MAP4: variants seen among roughly 807,000 people sequenced by gnomAD.
MAP4 encodes microtubule associated protein 4.
MAP4 carries 76 observed loss-of-function variants against 170.2 expected under a neutral mutation model. That is an observed-to-expected ratio of 0.45 (90% CI 0.37 to 0.54). The LOEUF is 0.54. MAP4 is among the 20% of genes least tolerant of loss of function. The probability of loss-of-function intolerance (pLI) is 0.00; values close to 1 mark genes in which losing one functional copy is unlikely to be tolerated. For synonymous variants in MAP4, 909 were observed against 994.5 expected (o/e 0.91, Z 1.62); for missense variants, 2,506 against 2,748.0 (o/e 0.91, Z 1.97).
intron 4 of MAP4, among the ~76,000 whole-genome samples, chr3:47,925,260 C>T (rs2100045162): frequency 1.3e-5 from 2 of 152,158 alleles, no homozygotes; most frequent in East Asian, 3.8e-4. Flanking sequence ...CATTGGACGC[C>T]ATCTTGGCAG....
chr3:47,931,777 G>A (rs2100049986), intron 3 of MAP4: 1 of 146,736 alleles, frequency 6.8e-6, no homozygotes, highest in Admixed American at 7.2e-5. Flanking sequence ...TTACAGGTTT[G>A]AGCCACTGTG....
At chr3:47,947,347 T>C (rs1173112564) in intron 3 of MAP4, among the ~76,000 whole-genome samples, 1 of 152,170 alleles carries the variant, frequency 6.6e-6, no homozygotes, top group Non-Finnish European at 1.5e-5. Context: ...CCCAATCTCC[T>C]ACCCCAAGGC....
intron 4 of MAP4, among the ~76,000 whole-genome samples, chr3:47,924,977 A>AT (rs1469319484): frequency 6.6e-6 from 1 of 151,858 alleles, no homozygotes; most frequent in Non-Finnish European, 1.5e-5. Flanking sequence ...CACCTGGCTA[A>AT]TTTTTTGTAT....
At chr3:48,003,476 T>C (rs971557495) in intron 1 of MAP4, among the ~76,000 whole-genome samples, 8 of 143,226 alleles carry the variant, frequency 5.6e-5, no homozygotes, top group Non-Finnish European at 1.1e-4. Flanking sequence ...AAAAAAAACA[T>C]ATTAAATTGT....
chr3:47,972,608 T>G (rs942827381), intron 3 of MAP4, among the ~76,000 whole-genome samples: 1 of 152,168 alleles, frequency 6.6e-6, no homozygotes, highest in Non-Finnish European at 1.5e-5. Context: ...ATAAGTGGGC[T>G]GGGCGCGGTG....
intron 3 of MAP4, among the ~76,000 whole-genome samples, chr3:47,929,961 T>G (rs1421382558): frequency 6.6e-6 from 1 of 151,616 alleles, no homozygotes; most frequent in African/African-American, 2.4e-5. Context: ...ACACCCCATC[T>G]CTACTAAAAA....
chr3:47,933,689 C>T (rs1207024129), intron 3 of MAP4, among the ~76,000 whole-genome samples: 1 of 151,914 alleles, frequency 6.6e-6, no homozygotes, highest in Non-Finnish European at 1.5e-5. Context: ...CAAGATCCGC[C>T]TCCCAGATTC....
At chr3:48,056,827 T>C (rs1579642898) in intron 1 of MAP4, among the ~76,000 whole-genome samples, 1 of 68,466 alleles carries the variant, frequency 1.5e-5, no homozygotes, top group African/African-American at 6.8e-5. Flanking sequence ...AGCCGACCCG[T>C]CCGGGAGGGA....
At chr3:47,979,652 G>C (rs932409240) in intron 2 of MAP4, among the ~76,000 whole-genome samples, 1 of 151,884 alleles carries the variant, frequency 6.6e-6, no homozygotes, top group Non-Finnish European at 1.5e-5. Flanking sequence ...GTAGAGACGA[G>C]GTTTCACTAT....
chr3:47,996,657 A>G (rs1413926468), intron 2 of MAP4, among the ~76,000 whole-genome samples: 1 of 152,110 alleles, frequency 6.6e-6, no homozygotes, highest in African/African-American at 2.4e-5. Flanking sequence ...CCCAAGAGAC[A>G]TGCCTATTTC....
In MAP4 at chr3:47,910,029, A is replaced by G; in HGVS notation, c.4392T>C (p.Asn1464=). ...GDSFPDTLAK[N]GQEIAPAQIS... is the part of the protein sequence containing the mutation. ...TCTGGGCTGGGGCTATCTCTTGCCC[A>G]TTTTTTGCCAAGGTATCTGGAAAGG... is the stretch of plus-strand genomic sequence containing the variant. Residue 1464 remains asparagine (N), a synonymous_variant, in exon 9 of 21, where the codon AAT becomes AAC. Coordinates refer to ENST00000683076, the MANE Select transcript of MAP4 (RefSeq NM_001385682.1). The G allele has an allele frequency of 6.2e-7, 1 of 1,613,854 alleles. No homozygotes were observed. The highest frequency in any genetic ancestry group is 8.5e-7 in the Non-Finnish European group (1 of 1,179,848).
chr3:47,996,737 G>GACAC (rs57673370), intron 2 of MAP4, among the ~76,000 whole-genome samples: 9,131 of 146,476 alleles, frequency 0.062, 402 homozygotes, highest in Admixed American at 0.14. Flanking sequence ...CAAAAACTAA[G>GACAC]ACACACACAC....
intron 1 of MAP4, among the ~76,000 whole-genome samples, chr3:48,051,520 T>C (rs2100127846): frequency 6.6e-6 from 1 of 152,220 alleles, no homozygotes; most frequent in African/African-American, 2.4e-5. Flanking sequence ...AAATAAACTA[T>C]AAAAATCAGA....
rs1179545464 is a variant in MAP4 at position 47,911,589 on chromosome 3, A to G, written c.2832T>C (p.Leu944=). 4 of 1,536,140 alleles carry G rather than the reference A, an allele frequency of 2.6e-6. No homozygotes were observed. In the African/African-American group the frequency reaches 4.1e-5, roughly 16 times the overall value. The change falls in exon 9 of 21, where the codon CTT becomes CTC. Residue 944 remains leucine, a synonymous_variant. Transcript: ENST00000683076. This position sits in a 1 kb window ranked among gnomAD's most constrained non-coding sequence, Gnocchi z 4.0. ...YNVETPLDIR[L]KEGCSPFLDQ... Reference sequence around the variant, plus strand: ...CCAAGAAAGGAGAGCAACCCTCTTTAAGTCTGATATCCAAAGGGGTTTCTA... The same window carrying G: ...CCAAGAAAGGAGAGCAACCCTCTTTGAGTCTGATATCCAAAGGGGTTTCTA...
chr3:48,027,376 C>T (rs1409142181), intron 1 of MAP4, among the ~76,000 whole-genome samples: 2 of 152,074 alleles, frequency 1.3e-5, no homozygotes, highest in African/African-American at 2.4e-5. Context: ...CCCACCAAGC[C>T]CAGAGTTCCC....
intron 3 of MAP4, among the ~76,000 whole-genome samples, chr3:47,932,412 C>T (rs181673920): frequency 7.9e-5 from 12 of 152,198 alleles, no homozygotes; most frequent in South Asian, 2.1e-4. Flanking sequence ...TTTGTGGGAA[C>T]GTGTTTCAAT....
chr3:48,050,721 C>T (rs1420094731), intron 1 of MAP4, among the ~76,000 whole-genome samples: 2 of 151,724 alleles, frequency 1.3e-5, no homozygotes, highest in African/African-American at 4.8e-5. Context: ...TCCTGGCCAA[C>T]ATGGTGAAAT....
chr3:47,878,837 C>G (rs1211219876), intron 10 of MAP4, among the ~76,000 whole-genome samples: 4 of 132,514 alleles, frequency 3.0e-5, no homozygotes, highest in African/African-American at 6.7e-5. Flanking sequence ...CATGCCTGGC[C>G]TGAAATGCCA....
chr3:47,884,894 TACCTGGTAGGGG>T (rs902899893), intron 10 of MAP4, among the ~76,000 whole-genome samples: 3 of 152,138 alleles, frequency 2.0e-5, no homozygotes, highest in Non-Finnish European at 4.4e-5. Flanking sequence ...CTGGTGCTGT[TACCTGGTAGGGG>T]ACAGGCCTCC....
Sources: gnomAD v4.1 joint callset for allele counts (sites outside exome capture counted in the v4.1 genomes callset) on GRCh38, gnomAD v4.1.1 for gene constraint, Gnocchi (gnomAD v3.1) non-coding constraint, MANE v1.5 for transcripts, NCBI Gene and HGNC (gene_info 2026-07-23, HGNC 2026-07-21) for gene names.